The following ASIC2 variants were observed in gnomAD, a reference collection of about 807,000 sequenced individuals.
The protein encoded by ASIC2 is acid-sensing ion channel 2.
Under a neutral mutation model 57.3 loss-of-function variants are expected in ASIC2, and 25 were observed. The ratio of observed to expected loss-of-function variants is 0.44; its 90% CI spans 0.32 to 0.61. ASIC2 has a LOEUF of 0.61. Ranked by LOEUF, ASIC2 falls within the 20% of genes least tolerant of loss-of-function variation. The pLI, the probability that ASIC2 is intolerant of heterozygous loss-of-function variation, is 0.06. For missense variants in ASIC2, 641 were observed against 738.1 expected (o/e 0.87, Z 1.52); for synonymous variants, 319 against 307.5 (o/e 1.04, Z -0.39).
chr17:33,203,788 C>T (rs1906964781), intron 1 of ASIC2, among the ~76,000 whole-genome samples: 1 of 152,230 alleles, frequency 6.6e-6, no homozygotes, highest in Non-Finnish European at 1.5e-5. Context: ...CTGCGGGTGG[C>T]TTGCCACTCT....
intron 1 of ASIC2, among the ~76,000 whole-genome samples, chr17:33,665,609 C>A: frequency 6.6e-6 from 1 of 152,178 alleles, no homozygotes; most frequent in Non-Finnish European, 1.5e-5. Flanking sequence ...GTTAGAAAAT[C>A]ATCTTTTGTT....
At chr17:33,591,180 T>G (rs1904813350) in intron 1 of ASIC2, among the ~76,000 whole-genome samples, 1 of 152,212 alleles carries the variant, frequency 6.6e-6, no homozygotes, top group African/African-American at 2.4e-5. Flanking sequence ...AAGCTGTCTT[T>G]CAGTTACTGG....
At chr17:33,956,631 G>A (rs1567768305) in intron 1 of ASIC2, among the ~76,000 whole-genome samples, 2 of 152,156 alleles carry the variant, frequency 1.3e-5, no homozygotes, top group South Asian at 4.2e-4. Context: ...AGCCCCAGAG[G>A]AGGCTGGTCC....
At chr17:34,132,569 G>A (rs904229361) in intron 1 of ASIC2, among the ~76,000 whole-genome samples, 5 of 151,808 alleles carry the variant, frequency 3.3e-5, no homozygotes, top group African/African-American at 1.2e-4. Flanking sequence ...AGCACTGATT[G>A]GTGCATTTTA....
At chr17:33,740,764 C>T (rs752201019) in intron 1 of ASIC2, among the ~76,000 whole-genome samples, 4 of 152,156 alleles carry the variant, frequency 2.6e-5, no homozygotes, top group Non-Finnish European at 5.9e-5. Flanking sequence ...CCAGTTCTCC[C>T]TCAGAGATTC....
intron 3 of ASIC2, among the ~76,000 whole-genome samples, chr17:33,045,736 G>A (rs938391215): frequency 1.3e-5 from 2 of 152,120 alleles, no homozygotes; most frequent in Non-Finnish European, 2.9e-5. Flanking sequence ...CTGGAAAGGG[G>A]CAATTTTCAT....
chr17:33,633,266 T>A (rs1353893624), intron 1 of ASIC2, among the ~76,000 whole-genome samples: 1 of 152,192 alleles, frequency 6.6e-6, no homozygotes. Context: ...AAGGCTCTTG[T>A]GTGAGCCATT....
intron 3 of ASIC2, among the ~76,000 whole-genome samples, chr17:33,087,927 G>A (rs996711717): frequency 2.0e-5 from 3 of 152,106 alleles, no homozygotes; most frequent in Non-Finnish European, 4.4e-5. Context: ...AGTACCAGAT[G>A]AAAGATGACA....
At chr17:33,118,456 T>C (rs2092289023) in intron 1 of ASIC2, among the ~76,000 whole-genome samples, 1 of 152,208 alleles carries the variant, frequency 6.6e-6, no homozygotes, top group Admixed American at 6.5e-5. Flanking sequence ...CTTGGCCTAA[T>C]TCCAAAGTCT....
chr17:33,622,408 CAG>C (rs1171300005), intron 1 of ASIC2, among the ~76,000 whole-genome samples: 4 of 152,132 alleles, frequency 2.6e-5, no homozygotes, highest in Non-Finnish European at 2.9e-5. Flanking sequence ...CACACACACA[CAG>C]ACACTCACTG....
At chr17:33,169,204 G>C (rs1905415261) in intron 1 of ASIC2, among the ~76,000 whole-genome samples, 1 of 152,190 alleles carries the variant, frequency 6.6e-6, no homozygotes, top group South Asian at 2.1e-4. Flanking sequence ...AGCCTTGGTA[G>C]TGTCCATACG....
chr17:33,972,620 A>G (rs1905253820), intron 1 of ASIC2, among the ~76,000 whole-genome samples: 1 of 151,978 alleles, frequency 6.6e-6, no homozygotes, highest in Admixed American at 6.6e-5. Flanking sequence ...TGCACCTTCC[A>G]CTCCCTCAAG....
chr17:33,934,745 T>C (rs913466259), intron 1 of ASIC2, among the ~76,000 whole-genome samples: 1 of 152,238 alleles, frequency 6.6e-6, no homozygotes, highest in Non-Finnish European at 1.5e-5. Context: ...CTTTCCACCT[T>C]AGCCTATCTC....
At chr17:33,327,527 T>G (rs1210604809) in intron 1 of ASIC2, among the ~76,000 whole-genome samples, 1 of 152,192 alleles carries the variant, frequency 6.6e-6, no homozygotes, top group Admixed American at 6.5e-5. Context: ...CCACCTATCA[T>G]GTACTCTGCA....
chr17:33,697,754 A>T (rs1908572357), intron 1 of ASIC2, among the ~76,000 whole-genome samples: 1 of 152,184 alleles, frequency 6.6e-6, no homozygotes, highest in Non-Finnish European at 1.5e-5. Flanking sequence ...TGATTCACAC[A>T]CCACATCAAG....
chr17:33,915,628 CTA>C (rs1395582522), intron 1 of ASIC2, among the ~76,000 whole-genome samples: 16 of 152,310 alleles, frequency 1.1e-4, no homozygotes, highest in African/African-American at 3.4e-4. Context: ...TGTTTCAACA[CTA>C]GTTTCCCTCT....
chr17:33,519,430 A>C (rs1262270123), intron 1 of ASIC2, among the ~76,000 whole-genome samples: 2 of 152,044 alleles, frequency 1.3e-5, no homozygotes, highest in Non-Finnish European at 2.9e-5. Flanking sequence ...ACATTTGACG[A>C]GCTATGACCC....
At chr17:33,137,944 C>T (rs1391212146) in intron 1 of ASIC2, among the ~76,000 whole-genome samples, 1 of 152,126 alleles carries the variant, frequency 6.6e-6, no homozygotes, top group Non-Finnish European at 1.5e-5. Context: ...TGGATTGCTG[C>T]AGTGGGAGGG....
At chr17:33,624,896 A>C (rs1042365101) in intron 1 of ASIC2, among the ~76,000 whole-genome samples, 1 of 152,220 alleles carries the variant, frequency 6.6e-6, no homozygotes, top group Non-Finnish European at 1.5e-5. Flanking sequence ...TATGTCAAGA[A>C]CTAAGCTAGC....
Sources: allele counts gnomAD v4.1 joint callset (sites outside exome capture counted in the v4.1 genomes callset), GRCh38; gene constraint gnomAD v4.1.1; transcripts MANE v1.5; gene names NCBI Gene and HGNC (gene_info 2026-07-23, HGNC 2026-07-21).